The following UBE2E2 variants were observed in gnomAD, a reference collection of about 807,000 sequenced individuals.
The protein encoded by UBE2E2 is ubiquitin conjugating enzyme E2 E2.
UBE2E2 carries 6 observed loss-of-function variants against 24.7 expected under a neutral mutation model. That is an observed-to-expected ratio of 0.24 (90% CI 0.13 to 0.48). The LOEUF (loss-of-function observed/expected upper bound fraction) is 0.48, where lower values mean the gene tolerates loss of function less well. Ranked by LOEUF, UBE2E2 falls within the 20% of genes least tolerant of loss-of-function variation. The pLI is 0.99. For missense variants in UBE2E2, 169 were observed against 245.0 expected, an observed-to-expected ratio of 0.69 and a Z score of 2.07; for synonymous variants, 104 against 83.6, an observed-to-expected ratio of 1.24 and a Z score of -1.33.
chr3:23,248,741 C>G (rs1021308526), intron 3 of UBE2E2, among the ~76,000 whole-genome samples: 2 of 152,130 alleles, frequency 1.3e-5, no homozygotes, highest in African/African-American at 4.8e-5. Flanking sequence ...CCTTTTAGTT[C>G]TTGATTGCAT....
At chr3:23,351,063 G>A (rs1695733822) in intron 3 of UBE2E2, among the ~76,000 whole-genome samples, 1 of 152,232 alleles carries the variant, frequency 6.6e-6, no homozygotes, top group Non-Finnish European at 1.5e-5. Context: ...CAAGCCAGAA[G>A]AGAGTGGGGA....
At chr3:23,424,678 T>C (rs1575620368) in intron 3 of UBE2E2, among the ~76,000 whole-genome samples, 2 of 152,296 alleles carry the variant, frequency 1.3e-5, no homozygotes, top group Admixed American at 1.3e-4. Context: ...GTTAAATACA[T>C]AAAATGATGT....
chr3:23,494,581 C>T (rs1301680417), intron 3 of UBE2E2, among the ~76,000 whole-genome samples: 1 of 152,056 alleles, frequency 6.6e-6, no homozygotes, highest in African/African-American at 2.4e-5. Flanking sequence ...GGTACATATC[C>T]AAATAGGAGT....
At position 23,310,167 on chromosome 3, in the gene UBE2E2, A is replaced by G. The variant is rs533644556; in HGVS notation, c.227+92855A>G. 8.5e-5 allele frequency among the ~76,000 whole-genome samples: 13 copies of G among 152,242 alleles called. No homozygotes were observed. In the South Asian group the frequency reaches 2.5e-3, roughly 29 times the overall value. On this transcript the variant is annotated intron_variant, in intron 3 of 5. Transcript: ENST00000396703. ...TAACACCTTTCCTTTCCAGATACTAAGTTTCACAGGTGACTTGAGACTACA... is the reference window on the plus strand; with the variant it reads ...TAACACCTTTCCTTTCCAGATACTAGGTTTCACAGGTGACTTGAGACTACA...
At chr3:23,577,141 G>A (rs77659073) in intron 5 of UBE2E2, among the ~76,000 whole-genome samples, 11,956 of 151,946 alleles carry the variant, frequency 0.079, 584 homozygotes, top group Non-Finnish European at 0.088. Context: ...TCAAGTGAAA[G>A]GAAGAGTCAA....
At chr3:23,438,285 C>A (rs1698226424) in intron 3 of UBE2E2, among the ~76,000 whole-genome samples, 1 of 151,982 alleles carries the variant, frequency 6.6e-6, no homozygotes, top group Non-Finnish European at 1.5e-5. Flanking sequence ...CATGCTGGAG[C>A]AAGAGGAAAT....
chr3:23,552,364 G>A (rs1226785561), intron 5 of UBE2E2, among the ~76,000 whole-genome samples: 7 of 152,092 alleles, frequency 4.6e-5, no homozygotes, highest in Admixed American at 1.3e-4. Flanking sequence ...AAAAAATAAA[G>A]TTTCAGTCAG....
At chr3:23,430,062 T>A (rs1194130449) in intron 3 of UBE2E2, among the ~76,000 whole-genome samples, 2 of 152,104 alleles carry the variant, frequency 1.3e-5, no homozygotes, top group African/African-American at 4.8e-5. Flanking sequence ...ACATTTTTAT[T>A]AATCATGGTT....
chr3:23,438,920 G>T (rs961086233), intron 3 of UBE2E2, among the ~76,000 whole-genome samples: 2 of 152,182 alleles, frequency 1.3e-5, no homozygotes, highest in African/African-American at 4.8e-5. Flanking sequence ...GATAAGGTTT[G>T]TGGCTTCTTT....
intron 3 of UBE2E2, among the ~76,000 whole-genome samples, chr3:23,442,370 C>A (rs1488310510): frequency 1.3e-5 from 2 of 150,046 alleles, no homozygotes; most frequent in Non-Finnish European, 2.9e-5. Flanking sequence ...CCAAAAAGGA[C>A]TTGTCTGGCT....
chr3:23,336,852 C>T (rs1695225308), intron 3 of UBE2E2, among the ~76,000 whole-genome samples: 1 of 152,042 alleles, frequency 6.6e-6, no homozygotes, highest in African/African-American at 2.4e-5. Flanking sequence ...AAGAATTTGG[C>T]TGATTGGCCG....
At chr3:23,428,177 A>G (rs988861255) in intron 3 of UBE2E2, among the ~76,000 whole-genome samples, 3 of 152,198 alleles carry the variant, frequency 2.0e-5, no homozygotes, top group Admixed American at 1.3e-4. Flanking sequence ...ATCATAAAAC[A>G]CACCTTAACT....
intron 3 of UBE2E2, among the ~76,000 whole-genome samples, chr3:23,320,779 C>T (rs1188847645): frequency 6.6e-6 from 1 of 152,154 alleles, no homozygotes; most frequent in Non-Finnish European, 1.5e-5. Flanking sequence ...TTAATCCACC[C>T]CGGCATCCCC....
At chr3:23,299,107 T>C (rs1232854351) in intron 3 of UBE2E2, among the ~76,000 whole-genome samples, 4 of 152,222 alleles carry the variant, frequency 2.6e-5, no homozygotes, top group Non-Finnish European at 5.9e-5. Flanking sequence ...TGATGGTAGT[T>C]TGTATTTCTG....
intron 3 of UBE2E2, among the ~76,000 whole-genome samples, chr3:23,365,092 C>G (rs753473483): frequency 5.9e-5 from 9 of 152,080 alleles, no homozygotes; most frequent in African/African-American, 9.7e-5. Flanking sequence ...GTTAAGAACC[C>G]TCAACAAACT....
intron 3 of UBE2E2, among the ~76,000 whole-genome samples, chr3:23,472,783 C>T (rs565684451): frequency 8.6e-5 from 13 of 151,690 alleles, no homozygotes; most frequent in African/African-American, 3.2e-4. Context: ...TAGCTGGGAC[C>T]ACAGGCGCAC....
intron 3 of UBE2E2, among the ~76,000 whole-genome samples, chr3:23,324,311 T>G (rs993683363): frequency 6.6e-6 from 1 of 152,148 alleles, no homozygotes; most frequent in Non-Finnish European, 1.5e-5. Context: ...TCACTCATAT[T>G]TGTCTAAATT....
chr3:23,212,737 T>C (rs1040678248), intron 2 of UBE2E2, among the ~76,000 whole-genome samples: 2 of 152,132 alleles, frequency 1.3e-5, no homozygotes, highest in African/African-American at 4.8e-5. Flanking sequence ...GATAATCTTT[T>C]GTAATTACTG....
intron 3 of UBE2E2, among the ~76,000 whole-genome samples, chr3:23,368,474 T>A (rs1024292299): frequency 3.2e-4 from 48 of 152,206 alleles, no homozygotes; most frequent in Admixed American, 2.6e-3. Context: ...TGTGTTTTTT[T>A]CCAAAACACT....
Sources: allele counts gnomAD v4.1 joint callset (sites outside exome capture counted in the v4.1 genomes callset), GRCh38; gene constraint gnomAD v4.1.1; transcripts MANE v1.5; gene names NCBI Gene and HGNC (gene_info 2026-07-23, HGNC 2026-07-21).